The following PARD3B variants were observed in gnomAD, a reference collection of about 807,000 sequenced individuals.
PARD3B encodes partitioning defective 3 homolog B.
A neutral mutation model predicts 130.2 loss-of-function variants in PARD3B; 103 were observed. The ratio of observed to expected loss-of-function variants is 0.79; its 90% CI spans 0.67 to 0.93. The LOEUF (loss-of-function observed/expected upper bound fraction) is 0.93, where lower values mean the gene tolerates loss of function less well. Among genes scored for constraint, PARD3B ranks in the 40% least tolerant of loss-of-function variants. The probability of loss-of-function intolerance (pLI) is 0.00; values close to 1 mark genes in which losing one functional copy is unlikely to be tolerated. For missense variants in PARD3B, 1,609 were observed against 1,499.2 expected, an observed-to-expected ratio of 1.07 and a Z score of -1.21; for synonymous variants, 583 against 553.2, an observed-to-expected ratio of 1.05 and a Z score of -0.76.
intron 4 of PARD3B, among the ~76,000 whole-genome samples, chr2:205,102,600 C>T (rs564196985): frequency 2.5e-4 from 38 of 152,164 alleles, no homozygotes; most frequent in African/African-American, 8.9e-4. Context: ...TTCTTATCTA[C>T]ATGAAAAGGA....
Position 205,325,604 on chromosome 2 carries a change from C to T in PARD3B, c.2630+23903C>T, listed in dbSNP as rs1472668801. Among the ~76,000 whole-genome samples, 1 of 152,088 alleles carries T rather than the reference C, an allele frequency of 6.6e-6. No homozygotes were observed. The highest frequency in any genetic ancestry group is 1.5e-5 in the Non-Finnish European group (1 of 68,016). On this transcript the variant is annotated intron_variant, in intron 18 of 22. Transcript: ENST00000406610. This position sits in a 1 kb window ranked among gnomAD's most constrained non-coding sequence, Gnocchi z 4.1. ...AGTGCAGTGGCGTGATCATAACTCA[C>T]TGTAGCCTCAGACCCCAGGGCTAAG...
intron 11 of PARD3B, among the ~76,000 whole-genome samples, chr2:205,165,722 A>AAAAT (rs71032449): frequency 0.12 from 17,086 of 145,430 alleles, 1,167 homozygotes; most frequent in Non-Finnish European, 0.14. Flanking sequence ...CTCTGTCTCA[A>AAAAT]AAATAAATAA....
At chr2:204,979,938 T>C (rs1692523257) in intron 3 of PARD3B, among the ~76,000 whole-genome samples, 1 of 152,202 alleles carries the variant, frequency 6.6e-6, no homozygotes. Context: ...GTTAGGCTTG[T>C]TTCTAAAACA....
At chr2:205,162,766 A>G (rs1253801195) in intron 11 of PARD3B, among the ~76,000 whole-genome samples, 6 of 152,212 alleles carry the variant, frequency 3.9e-5, no homozygotes, top group African/African-American at 9.6e-5. Flanking sequence ...CTAAATCCAC[A>G]TCAAAATGTC....
chr2:204,726,434 G>A (rs1240765518), intron 2 of PARD3B, among the ~76,000 whole-genome samples: 1 of 152,080 alleles, frequency 6.6e-6, no homozygotes, highest in Non-Finnish European at 1.5e-5. Flanking sequence ...AAAAATAAAA[G>A]CATGGAAATA....
At chr2:204,573,626 T>C (rs1254401082) in intron 1 of PARD3B, among the ~76,000 whole-genome samples, 3 of 152,212 alleles carry the variant, frequency 2.0e-5, no homozygotes, top group South Asian at 2.1e-4. Flanking sequence ...TTCTGCTCTG[T>C]AGGGTGAGTA....
chr2:205,066,736 T>C (rs1700402933), intron 4 of PARD3B, among the ~76,000 whole-genome samples: 1 of 152,214 alleles, frequency 6.6e-6, no homozygotes, highest in South Asian at 2.1e-4. Context: ...AACATGTTTT[T>C]TCTGCTTTTT....
intron 20 of PARD3B, among the ~76,000 whole-genome samples, chr2:205,464,836 G>T (rs1465442441): frequency 6.6e-6 from 1 of 152,046 alleles, no homozygotes; most frequent in African/African-American, 2.4e-5. Flanking sequence ...TTCTAATCAA[G>T]GAGTTAATCC....
At chr2:204,546,328 A>G (rs181855382) in intron 1 of PARD3B, among the ~76,000 whole-genome samples, 32 of 152,252 alleles carry the variant, frequency 2.1e-4, no homozygotes, top group Non-Finnish European at 3.2e-4. Flanking sequence ...GTGGACCTGC[A>G]GCATTGGAAT....
In PARD3B at chr2:204,678,593, G is replaced by C. The variant is rs1198259218; in HGVS notation, c.121-7588G>C. ...CTCCAGCCGGGTCGTCTCCGAAGTC[G>C]TGTGGTCTGACATTAAGCCGCGTCT... is the stretch of plus-strand genomic sequence containing the variant. On this transcript the variant is annotated intron_variant, in intron 1 of 22. Coordinates refer to ENST00000406610, the MANE Select transcript of PARD3B (RefSeq NM_001302769.2). The surrounding 1 kb of genome is among the most constrained non-coding windows in gnomAD (Gnocchi z 4.2). Among the ~76,000 whole-genome samples the C allele has an allele frequency of 6.6e-6, 1 of 152,060 alleles. No homozygotes were observed. The highest frequency in any genetic ancestry group is 1.5e-5 in the Non-Finnish European group (1 of 68,006).
chr2:205,532,204 A>G (rs2051628435), intron 21 of PARD3B, among the ~76,000 whole-genome samples: 1 of 152,232 alleles, frequency 6.6e-6, no homozygotes, highest in South Asian at 2.1e-4. Context: ...TTACTTCTTC[A>G]TCCGTTAAAA....
chr2:205,569,649 T>G (rs1295077282), intron 22 of PARD3B, among the ~76,000 whole-genome samples: 19 of 152,176 alleles, frequency 1.2e-4, no homozygotes. Flanking sequence ...TGTAGTTCAT[T>G]GGCACATGTC....
In PARD3B at chr2:205,125,408, T is replaced by A. The variant is rs1040433547; in HGVS notation, c.1306-201T>A. The stretch of plus-strand genomic sequence containing the variant: ...CTTAGGAAAAACTGCTGATATTAAT[T>A]ACCGACTCTGAGTTCATCCAGCATC... On this transcript the variant is annotated intron_variant, in intron 9 of 22. Transcript: ENST00000406610. The surrounding 1 kb of genome is among the most constrained non-coding windows in gnomAD (Gnocchi z 4.0). 1.2e-4 allele frequency among the ~76,000 whole-genome samples: 19 copies of A among 152,194 alleles called. No homozygotes were observed. The highest frequency in any genetic ancestry group is 4.6e-4 in the African/African-American group (19 of 41,448).
At chr2:204,780,225 A>C (rs2125450428) in intron 2 of PARD3B, among the ~76,000 whole-genome samples, 1 of 152,244 alleles carries the variant, frequency 6.6e-6, no homozygotes, top group East Asian at 1.9e-4. Flanking sequence ...TTAATCATTA[A>C]GTGTTGTCAG....
intron 20 of PARD3B, among the ~76,000 whole-genome samples, chr2:205,485,853 C>A (rs1575138149): frequency 6.6e-6 from 1 of 152,150 alleles, no homozygotes; most frequent in African/African-American, 2.4e-5. Flanking sequence ...CTCTAATAGG[C>A]CTTTCCTGAC....
intron 4 of PARD3B, among the ~76,000 whole-genome samples, chr2:205,092,419 A>G (rs1702161769): frequency 6.6e-6 from 1 of 152,146 alleles, no homozygotes; most frequent in Admixed American, 6.5e-5. Context: ...TGTCATTTAC[A>G]TCAAGGTAGC....
At chr2:204,807,194 G>A (rs901143681) in intron 2 of PARD3B, among the ~76,000 whole-genome samples, 2 of 152,136 alleles carry the variant, frequency 1.3e-5, no homozygotes, top group African/African-American at 4.8e-5. Flanking sequence ...GATCCCTCCT[G>A]TGACATGTGG....
chr2:204,620,809 T>C (rs1201593229), intron 1 of PARD3B, among the ~76,000 whole-genome samples: 2 of 152,044 alleles, frequency 1.3e-5, no homozygotes, highest in Non-Finnish European at 2.9e-5. Flanking sequence ...CCAAGAAATC[T>C]CTGTTTTGAT....
intron 2 of PARD3B, among the ~76,000 whole-genome samples, chr2:204,960,042 A>G (rs13418298): frequency 0.041 from 6,308 of 152,276 alleles, 423 homozygotes; most frequent in African/African-American, 0.14. Flanking sequence ...GAAAAGAAGT[A>G]CAGAAAGCTG....
Sources: allele counts gnomAD v4.1 joint callset (sites outside exome capture counted in the v4.1 genomes callset), GRCh38; gene constraint gnomAD v4.1.1; non-coding constraint Gnocchi (gnomAD v3.1); transcripts MANE v1.5; gene names NCBI Gene and HGNC (gene_info 2026-07-23, HGNC 2026-07-21).